Variants in GRIP1 observed in about 807,000 individuals in gnomAD.
The protein encoded by GRIP1 is glutamate receptor interacting protein 1.
GRIP1 carries 45 observed loss-of-function variants against 129.9 expected under a neutral mutation model. That is an observed-to-expected ratio of 0.35 (90% CI 0.27 to 0.44). GRIP1 has a LOEUF of 0.44. Among genes scored for constraint, GRIP1 ranks in the 20% least tolerant of loss-of-function variants. The pLI, the probability that GRIP1 is intolerant of heterozygous loss-of-function variation, is 1.00. For missense variants in GRIP1, 1,196 were observed against 1,396.8 expected, an observed-to-expected ratio of 0.86 and a Z score of 2.29; for synonymous variants, 530 against 520.8, an observed-to-expected ratio of 1.02 and a Z score of -0.24.
intron 1 of GRIP1, among the ~76,000 whole-genome samples, chr12:67,027,747 G>A (rs2042961131): frequency 6.6e-6 from 1 of 152,164 alleles, no homozygotes; most frequent in Non-Finnish European, 1.5e-5. Context: ...GGCCAGTGGT[G>A]CACATAAGGT....
intron 1 of GRIP1, among the ~76,000 whole-genome samples, chr12:66,997,897 A>T (rs1396370977): frequency 6.6e-6 from 1 of 152,206 alleles, no homozygotes; most frequent in Non-Finnish European, 1.5e-5. Flanking sequence ...GATATACTAA[A>T]AGAAAACTTC....
rs7961322 is a variant in GRIP1, at chr12:66,617,085, T to G, written c.56-20158A>C. On this transcript the variant is annotated intron_variant, in intron 1 of 24. Coordinates refer to ENST00000359742, the MANE Select transcript of GRIP1 (RefSeq NM_001366722.1). ...AGCAACTTGACAAGCAACAGACGTT[T>G]TGTGTGTGTGTGTGTGTGTGTGTGT... 5.1e-3 allele frequency among the ~76,000 whole-genome samples: 688 copies of G among 135,378 alleles called. 11 individuals are homozygous for G. Among genetic ancestry groups the G allele is most frequent in the African/African-American group, 5.7e-3 (199 of 34,940 alleles). The allele number at this position is 135,378 out of a possible 152,430, so 88.8% of individuals were successfully genotyped here.
At chr12:66,465,500 T>A in intron 7 of GRIP1, 78 bp from the exon 8 acceptor site, 2 of 1,170,650 alleles carry the variant, frequency 1.7e-6, no homozygotes, top group Non-Finnish European at 2.5e-6. Flanking sequence ...ATGAAGAATA[T>A]TCAGTTTGGT....
intron 7 of GRIP1, among the ~76,000 whole-genome samples, chr12:66,477,955 G>GC (rs376315954): frequency 0.043 from 6,576 of 152,202 alleles, 359 homozygotes; most frequent in African/African-American, 0.12. Context: ...TACCATTCAA[G>GC]ACATAGGGAT....
chr12:66,590,064 C>T (rs1317958007), intron 2 of GRIP1, among the ~76,000 whole-genome samples: 1 of 152,050 alleles, frequency 6.6e-6, no homozygotes, highest in African/African-American at 2.4e-5. Flanking sequence ...TGGACATATC[C>T]TCAGTCGGCC....
At chr12:66,932,114 G>T (rs1326411014) in intron 1 of GRIP1, among the ~76,000 whole-genome samples, 1 of 151,662 alleles carries the variant, frequency 6.6e-6, no homozygotes, top group Non-Finnish European at 1.5e-5. Context: ...CTACAACCCA[G>T]CAATATTAAA....
At position 66,381,184 on chromosome 12, in the gene GRIP1, A is replaced by G. The variant is rs370006879; in HGVS notation, c.2465-1748T>C. Among the ~76,000 whole-genome samples the G allele has an allele frequency of 5.4e-4, 82 of 152,328 alleles. 3 individuals carry two copies. The South Asian group carries it at 0.016, about 30-fold the overall frequency. ...GATGGAAATACTCTAAGAACCTTCTATTTTAGGACACCAAGGATTAGAAGA... is the reference window on the plus strand; with the variant it reads ...GATGGAAATACTCTAAGAACCTTCTGTTTTAGGACACCAAGGATTAGAAGA... On this transcript the variant is annotated intron_variant, in intron 19 of 24. Coordinates refer to ENST00000359742, the MANE Select transcript of GRIP1 (RefSeq NM_001366722.1).
At chr12:66,400,733 T>G (rs911664738) in intron 16 of GRIP1, among the ~76,000 whole-genome samples, 2 of 152,198 alleles carry the variant, frequency 1.3e-5, no homozygotes, top group African/African-American at 4.8e-5. Flanking sequence ...TTAATAGCTG[T>G]ATATTTGATT....
rs1163099449 is a variant in GRIP1 at position 66,629,316 on chromosome 12, TAACGACACAA to T, written c.56-32399_56-32390del. ...TGCAGCACATAGTGCTGACAAGCCTTAACGACACAAATGGCATGAAGCCTAACACATGTGA... is the reference window on the plus strand; with the variant it reads ...TGCAGCACATAGTGCTGACAAGCCTTATGGCATGAAGCCTAACACATGTGA... On this transcript the variant is annotated intron_variant, in intron 1 of 24. Coordinates refer to ENST00000359742, the MANE Select transcript of GRIP1 (RefSeq NM_001366722.1). 2.0e-5 allele frequency among the ~76,000 whole-genome samples: 3 copies of T among 152,176 alleles called. No homozygotes were observed. In the East Asian group the frequency reaches 5.8e-4, roughly 29 times the overall value.
intron 2 of GRIP1, among the ~76,000 whole-genome samples, chr12:66,581,112 A>G (rs369468351): frequency 1.3e-5 from 2 of 152,172 alleles, no homozygotes; most frequent in African/African-American, 2.4e-5. Flanking sequence ...ACTCAAAACC[A>G]CTCAACTACA....
intron 1 of GRIP1, among the ~76,000 whole-genome samples, chr12:66,642,045 G>A (rs1239424050): frequency 6.6e-6 from 1 of 152,148 alleles, no homozygotes; most frequent in East Asian, 1.9e-4. Context: ...TGCCAAACAA[G>A]ACACAGAGCT....
chr12:66,428,089 T>TAGGA (rs1428594568), intron 14 of GRIP1, among the ~76,000 whole-genome samples: 70 of 152,322 alleles, frequency 4.6e-4, no homozygotes, highest in Non-Finnish European at 6.9e-4. Flanking sequence ...CTGAAAATCC[T>TAGGA]AGTGTCACTG....
chr12:66,932,620 G>A (rs12810930), intron 1 of GRIP1, among the ~76,000 whole-genome samples: 31,316 of 151,718 alleles, frequency 0.21, 3,495 homozygotes, highest in South Asian at 0.26. Flanking sequence ...AAAAAATTCC[G>A]AGGAGCTAAA....
At chr12:66,430,629 G>A (rs183481406) in intron 14 of GRIP1, among the ~76,000 whole-genome samples, 67 of 152,108 alleles carry the variant, frequency 4.4e-4, no homozygotes, top group Non-Finnish European at 7.5e-4. Context: ...GCATATAAAT[G>A]TCTACTTTTT....
At chr12:66,854,799 T>C (rs907163664) in intron 1 of GRIP1, among the ~76,000 whole-genome samples, 2 of 152,014 alleles carry the variant, frequency 1.3e-5, no homozygotes, top group Non-Finnish European at 2.9e-5. Flanking sequence ...TAAATTAAGA[T>C]AGAAGTCAGT....
chr12:66,996,456 TCTGA>T (rs1170360006), intron 1 of GRIP1, among the ~76,000 whole-genome samples: 4 of 151,588 alleles, frequency 2.6e-5, no homozygotes, highest in East Asian at 1.9e-4. Context: ...ACTGAGACAC[TCTGA>T]CTGTCTCCAT....
At chr12:66,454,006 T>C (rs2058880943) in intron 11 of GRIP1, among the ~76,000 whole-genome samples, 1 of 152,232 alleles carries the variant, frequency 6.6e-6, no homozygotes, top group Admixed American at 6.5e-5. Context: ...ACTTTCCTAA[T>C]TTCATTTTTA....
intron 1 of GRIP1, among the ~76,000 whole-genome samples, chr12:66,666,883 T>G (rs532393777): frequency 1.1e-3 from 168 of 152,254 alleles, no homozygotes; most frequent in Non-Finnish European, 1.8e-3. Context: ...GAAACCTTTT[T>G]TTTTTTTGAT....
chr12:66,955,391 T>G (rs1385685985), intron 1 of GRIP1, among the ~76,000 whole-genome samples: 1 of 152,166 alleles, frequency 6.6e-6, no homozygotes, highest in Non-Finnish European at 1.5e-5. Flanking sequence ...TATTCTCATT[T>G]AAATTATATA....
Sources: allele counts gnomAD v4.1 joint callset (sites outside exome capture counted in the v4.1 genomes callset), GRCh38; gene constraint gnomAD v4.1.1; transcripts MANE v1.5; gene names NCBI Gene and HGNC (gene_info 2026-07-23, HGNC 2026-07-21).